FAF1: variants seen among roughly 807,000 people sequenced by gnomAD.
FAF1 encodes Fas associated factor 1, also known as FAS-associated factor 1.
FAF1 carries 25 observed loss-of-function variants against 92.5 expected under a neutral mutation model. The ratio of observed to expected loss-of-function variants is 0.27; its 90% CI spans 0.20 to 0.38. The LOEUF is 0.38. FAF1 is among the 10% of genes least tolerant of loss of function. The probability of loss-of-function intolerance (pLI) is 1.00; values close to 1 mark genes in which losing one functional copy is unlikely to be tolerated. For missense variants in FAF1, 636 were observed against 793.3 expected (o/e 0.80, Z 2.38); for synonymous variants, 234 against 273.2 (o/e 0.86, Z 1.42).
chr1:50,856,858 T>C (rs1367077064), intron 2 of FAF1, among the ~76,000 whole-genome samples: 1 of 151,716 alleles, frequency 6.6e-6, no homozygotes, highest in African/African-American at 2.4e-5. Flanking sequence ...CACTATGAAA[T>C]ACTATGCAAA....
intron 1 of FAF1, among the ~76,000 whole-genome samples, chr1:50,912,783 A>G (rs1644895042): frequency 6.6e-6 from 1 of 152,232 alleles, no homozygotes; most frequent in South Asian, 2.1e-4. Flanking sequence ...GTATTTGAAA[A>G]TATCAATCAA....
intron 1 of FAF1, among the ~76,000 whole-genome samples, chr1:50,867,729 G>T (rs1316610607): frequency 6.6e-6 from 1 of 152,114 alleles, no homozygotes; most frequent in Non-Finnish European, 1.5e-5. Flanking sequence ...TACACTGCTG[G>T]TGGGAATGTA....
At chr1:50,499,663 T>C (rs1646957105) in intron 15 of FAF1, among the ~76,000 whole-genome samples, 1 of 152,178 alleles carries the variant, frequency 6.6e-6, no homozygotes, top group Non-Finnish European at 1.5e-5. Flanking sequence ...CTATTATAAC[T>C]AGTAAGTGAG....
At chr1:50,450,092 G>T (rs1399933222) in intron 18 of FAF1, among the ~76,000 whole-genome samples, 1 of 151,340 alleles carries the variant, frequency 6.6e-6, no homozygotes, top group East Asian at 2.0e-4. Flanking sequence ...TACTCAGGAG[G>T]CTGAGACAAG....
intron 2 of FAF1, among the ~76,000 whole-genome samples, chr1:50,824,090 T>C (rs1013114559): frequency 6.6e-6 from 1 of 152,180 alleles, no homozygotes; most frequent in Non-Finnish European, 1.5e-5. Flanking sequence ...GTGTAAATAA[T>C]GTCATTTCAT....
chr1:50,605,359 T>G (rs1194713993), intron 8 of FAF1, among the ~76,000 whole-genome samples: 1 of 152,188 alleles, frequency 6.6e-6, no homozygotes, highest in Non-Finnish European at 1.5e-5. Context: ...CTGAAGAGCA[T>G]TAAGTTACAC....
chr1:50,492,303 A>G (rs1646849039), intron 15 of FAF1, among the ~76,000 whole-genome samples: 1 of 152,124 alleles, frequency 6.6e-6, no homozygotes, highest in Non-Finnish European at 1.5e-5. Context: ...GAAAGAGGCC[A>G]AAAGCAAAAT....
At chr1:50,554,995 G>A (rs1258157403) in intron 13 of FAF1, among the ~76,000 whole-genome samples, 3 of 152,036 alleles carry the variant, frequency 2.0e-5, no homozygotes, top group East Asian at 1.9e-4. Flanking sequence ...ATGAAAAATT[G>A]TGGTTTCTAT....
chr1:50,658,646 T>C (rs1027638491), intron 7 of FAF1, among the ~76,000 whole-genome samples: 5 of 152,192 alleles, frequency 3.3e-5, no homozygotes, highest in Admixed American at 6.5e-5. Flanking sequence ...ATTGCACAAG[T>C]ATTTGGCTTC....
In FAF1 at chr1:50,567,269, C is replaced by T. The variant is rs752842327; in HGVS notation, c.1114-38G>A. 3 of 1,501,994 alleles carry T rather than the reference C, an allele frequency of 2.0e-6. No individual in the cohort carries two copies. In the South Asian group the frequency reaches 3.8e-5, roughly 19 times the overall value. The allele number at this position is 1,501,994 out of a possible 1,614,324, so 93.0% of individuals were successfully genotyped here. On this transcript the variant is annotated intron_variant, in intron 12 of 18. Coordinates refer to ENST00000396153, the MANE Select transcript of FAF1 (RefSeq NM_007051.3). Reference sequence around the variant, plus strand: ...GAAAAATCTGATCAATTAAAATATCCACTAATGTAAGATTTCTTAAATTTT... The same window carrying T: ...GAAAAATCTGATCAATTAAAATATCTACTAATGTAAGATTTCTTAAATTTT...
intron 8 of FAF1, among the ~76,000 whole-genome samples, chr1:50,647,556 G>A (rs2124267400): frequency 6.6e-6 from 1 of 152,142 alleles, no homozygotes; most frequent in South Asian, 2.1e-4. Context: ...TTTTAACAGA[G>A]TTGTTCCACA....
chr1:50,624,724 A>G (rs1487814154), intron 8 of FAF1, among the ~76,000 whole-genome samples: 2 of 152,178 alleles, frequency 1.3e-5, no homozygotes, highest in Non-Finnish European at 2.9e-5. Flanking sequence ...GAACAGCATT[A>G]CCATATCTCT....
At chr1:50,484,025 G>A (rs1646732513) in intron 17 of FAF1, among the ~76,000 whole-genome samples, 1 of 152,080 alleles carries the variant, frequency 6.6e-6, no homozygotes, top group Non-Finnish European at 1.5e-5. Flanking sequence ...GGGAAAGGGA[G>A]GAGCTGGAAA....
chr1:50,560,077 T>G (rs1464536264), intron 13 of FAF1, among the ~76,000 whole-genome samples: 1 of 152,164 alleles, frequency 6.6e-6, no homozygotes, highest in Non-Finnish European at 1.5e-5. Flanking sequence ...GTGTCTCCCA[T>G]GCAGACTCCA....
chr1:50,475,749 C>A (rs943599085), intron 17 of FAF1, 70 bp from the exon 18 acceptor site: 3 of 1,038,972 alleles, frequency 2.9e-6, no homozygotes, highest in Admixed American at 5.5e-5. Context: ...GAGGAAGACA[C>A]CAGAAAAAAA....
At chr1:50,867,423 G>C (rs1644490490) in intron 1 of FAF1, among the ~76,000 whole-genome samples, 1 of 151,794 alleles carries the variant, frequency 6.6e-6, no homozygotes, top group African/African-American at 2.4e-5. Context: ...AGAAAATCTT[G>C]GTAAATTATG....
intron 18 of FAF1, among the ~76,000 whole-genome samples, chr1:50,450,508 C>T (rs2148979329): frequency 6.6e-6 from 1 of 152,306 alleles, no homozygotes; most frequent in East Asian, 1.9e-4. Context: ...GACTAACTGG[C>T]TTTCTGTTGG....
rs952857286 is a variant in FAF1, at chr1:50,758,271, C to T, written c.368-13496G>A. 2.6e-5 allele frequency among the ~76,000 whole-genome samples: 4 copies of T among 152,308 alleles called. No homozygotes were observed. In the East Asian group the frequency reaches 5.8e-4, roughly 22 times the overall value. ...GTTTCACCATGTTGGCAAGGATGGT[C>T]TCAAACTCCTGACCTCAAGTGATCC... On this transcript the variant is annotated intron_variant, in intron 4 of 18. Transcript: ENST00000396153.
At chr1:50,635,643 C>T (rs1335088084) in intron 8 of FAF1, among the ~76,000 whole-genome samples, 17 of 152,146 alleles carry the variant, frequency 1.1e-4, no homozygotes, top group Admixed American at 1.1e-3. Context: ...CCAGGCTTGT[C>T]TCGAACTGCT....
Sources: allele counts gnomAD v4.1 joint callset (sites outside exome capture counted in the v4.1 genomes callset), GRCh38; gene constraint gnomAD v4.1.1; transcripts MANE v1.5; gene names NCBI Gene and HGNC (gene_info 2026-07-23, HGNC 2026-07-21).